MACC1: variants seen among roughly 807,000 people sequenced by gnomAD.
MACC1 encodes metastasis-associated in colon cancer protein 1.
In MACC1, 79 loss-of-function variants were observed where a neutral mutation model predicts 70.7. The observed-to-expected ratio is 1.12, with a 90% confidence interval of 0.93 to 1.35. The LOEUF (loss-of-function observed/expected upper bound fraction) is 1.35. Among genes scored for constraint, MACC1 ranks in the 40% most tolerant of loss-of-function variants. MACC1 has a pLI of 0.00. For missense variants in MACC1, 1,106 were observed against 978.1 expected (o/e 1.13, Z -1.74); for synonymous variants, 361 against 347.2 (o/e 1.04, Z -0.44).
rs1020306250 is a variant in MACC1, at chr7:20,140,511, A to G, written c.*435T>C. On this transcript the variant is annotated 3_prime_UTR_variant, in exon 7 of 7. Transcript: ENST00000400331. ...GCCTCCTGGGAACACTGCCTTGATC[A>G]TGTTGATAGTCTCTAGTTTACCCAG... 5 of 153,066 alleles carry G rather than the reference A, an allele frequency of 3.3e-5. No homozygotes were observed. Among genetic ancestry groups the G allele is most frequent in the African/African-American group, 9.6e-5 (4 of 41,468 alleles). The allele number at this position is 153,066 out of a possible 1,614,324, so 9.5% of individuals were successfully genotyped here.
At chr7:20,148,973 G>A (rs1781935324) in intron 6 of MACC1, among the ~76,000 whole-genome samples, 1 of 152,140 alleles carries the variant, frequency 6.6e-6, no homozygotes, top group African/African-American at 2.4e-5. Context: ...ACCAAGGCTA[G>A]AACTGAACCA....
intron 1 of MACC1, among the ~76,000 whole-genome samples, chr7:20,186,783 G>C (rs918537195): frequency 3.9e-5 from 6 of 152,204 alleles, no homozygotes; most frequent in African/African-American, 1.4e-4. Context: ...AAACAAATTA[G>C]TATAAATAAC....
chr7:20,200,738 G>A (rs1782821728), intron 1 of MACC1, among the ~76,000 whole-genome samples: 1 of 152,100 alleles, frequency 6.6e-6, no homozygotes, highest in African/African-American at 2.4e-5. Context: ...TAGAAACATG[G>A]GTGCTATCTA....
At chr7:20,161,646 T>G (rs1385939507) in intron 4 of MACC1, 102 bp downstream of exon 4, 1 of 702,792 alleles carries the variant, frequency 1.4e-6, no homozygotes, top group East Asian at 2.6e-5. Context: ...TTTATAATTC[T>G]TTTCATCTTC....
intron 6 of MACC1, among the ~76,000 whole-genome samples, chr7:20,147,091 T>A (rs1425804626): frequency 2.0e-5 from 3 of 152,154 alleles, no homozygotes. Flanking sequence ...ATCTTTTCAG[T>A]GTTATAGGAC....
chr7:20,180,643 G>A (rs1320784125), intron 1 of MACC1, among the ~76,000 whole-genome samples: 1 of 152,060 alleles, frequency 6.6e-6, no homozygotes, highest in Non-Finnish European at 1.5e-5. Flanking sequence ...TCAGGAGTTT[G>A]AGACCAGCCA....
intron 1 of MACC1, among the ~76,000 whole-genome samples, chr7:20,214,276 C>G (rs892079100): frequency 2.0e-5 from 3 of 152,156 alleles, no homozygotes; most frequent in African/African-American, 7.2e-5. Flanking sequence ...CATCCAAAAT[C>G]CCCTAGAATA....
intron 2 of MACC1, among the ~76,000 whole-genome samples, chr7:20,167,180 A>AT (rs540436327): frequency 6.1e-5 from 9 of 148,722 alleles, no homozygotes; most frequent in South Asian, 2.1e-4. Flanking sequence ...CATCATCCTT[A>AT]TTTTTTTTTT....
rs1271636253 is a variant in MACC1 at position 20,137,931 on chromosome 7, T to G, written c.*3015A>C. On this transcript the variant is annotated 3_prime_UTR_variant, in exon 7 of 7. Coordinates refer to ENST00000400331, the MANE Select transcript of MACC1 (RefSeq NM_182762.4). ...ACTCTGGGAGGCCGAGGCAGGTGGA[T>G]GACCTGAGGTCAGGAGTTCCAGACC... The G allele has an allele frequency of 6.6e-6, 1 of 152,196 alleles. No individual in the cohort carries two copies. Among genetic ancestry groups the G allele is most frequent in the Non-Finnish European group, 1.5e-5 (1 of 68,058 alleles). The allele number at this position is 152,196 out of a possible 1,614,324, so 9.4% of individuals were successfully genotyped here.
chr7:20,183,947 A>T (rs1782548917), intron 1 of MACC1, among the ~76,000 whole-genome samples: 1 of 152,054 alleles, frequency 6.6e-6, no homozygotes, highest in South Asian at 2.1e-4. Context: ...AACGCAGGTG[A>T]TTCATCCACC....
chr7:20,181,485 T>C (rs767132751), intron 1 of MACC1, among the ~76,000 whole-genome samples: 1 of 152,118 alleles, frequency 6.6e-6, no homozygotes, highest in Non-Finnish European at 1.5e-5. Context: ...GCTTAAGCAT[T>C]TGATAATATA....
chr7:20,154,521 A>G, intron 5 of MACC1, 140 bp from the exon 6 acceptor site: 1 of 865,256 alleles, frequency 1.2e-6, no homozygotes, highest in Non-Finnish European at 1.7e-6. Context: ...CTAAAGCTCA[A>G]GGAGTTGATT....
chr7:20,174,307 T>C (rs1473236574), intron 1 of MACC1, among the ~76,000 whole-genome samples: 2 of 152,108 alleles, frequency 1.3e-5, no homozygotes, highest in Non-Finnish European at 1.5e-5. Flanking sequence ...ACTTAAATAT[T>C]TCAGGGGAAG....
In MACC1 at chr7:20,187,261, T is replaced by C. The variant is rs557633641; in HGVS notation, c.-217-16483A>G. 1.4e-4 allele frequency among the ~76,000 whole-genome samples: 21 copies of C among 152,282 alleles called. No homozygotes were observed. In the South Asian group the frequency reaches 2.1e-3, roughly 15 times the overall value. The stretch of plus-strand genomic sequence containing the variant: ...CATAGAGAGGACAATAGTAATAAAA[T>C]TGTAACTAGTTTTTAATTAAAGAGG... On this transcript the variant is annotated intron_variant, in intron 1 of 6. Transcript: ENST00000400331.
At chr7:20,202,490 G>A (rs1222880460) in intron 1 of MACC1, among the ~76,000 whole-genome samples, 5 of 152,048 alleles carry the variant, frequency 3.3e-5, no homozygotes, top group African/African-American at 4.8e-5. Context: ...ATGGGACCCG[G>A]AACCAAAAAA....
At position 20,140,997 on chromosome 7, in the gene MACC1, A is replaced by C. The variant is rs377055680; in HGVS notation, c.2508T>G (p.Asn836Lys). 6.2e-6 allele frequency: 10 copies of C among 1,613,922 alleles called. No individual in the cohort carries two copies. The African/African-American group carries it at 8.0e-5, about 13-fold the overall frequency. The change falls in exon 7 of 7, where the codon AAT (asparagine) becomes AAG (lysine). Residue 836 changes from asparagine to lysine, a missense_variant. Asn to Lys is a moderately conservative substitution (Grantham distance 94). Transcript: ENST00000400331. ...RELTGVLILV[N>K]SLEVLRVTAF... ...CAGTTACTCTCAAAACCTCCAAAGAATTTACTAGTATTAAAACTCCAGTTA... is the reference window on the plus strand; with the variant it reads ...CAGTTACTCTCAAAACCTCCAAAGACTTTACTAGTATTAAAACTCCAGTTA...
chr7:20,161,704 A>G (rs1442632117), intron 4 of MACC1, 44 bp downstream of exon 4: 3 of 1,181,362 alleles, frequency 2.5e-6, no homozygotes, highest in Admixed American at 3.5e-5. Flanking sequence ...GATGAATTTC[A>G]TATACTTACA....
At chr7:20,185,442 G>A (rs3114472) in intron 1 of MACC1, among the ~76,000 whole-genome samples, 50,978 of 151,644 alleles carry the variant, frequency 0.34, 10,022 homozygotes, top group East Asian at 0.86. Context: ...TGGGTTGGAC[G>A]CCCAAGCTAA....
intron 1 of MACC1, chr7:20,184,955 C>A (rs897460365): frequency 2.6e-5 from 4 of 152,012 alleles, no homozygotes; most frequent in Non-Finnish European, 5.9e-5. Flanking sequence ...TATACTAAGT[C>A]TTAGAGACGA....
Sources: gnomAD v4.1 joint callset for allele counts (sites outside exome capture counted in the v4.1 genomes callset) on GRCh38, gnomAD v4.1.1 for gene constraint, MANE v1.5 for transcripts, NCBI Gene and HGNC (gene_info 2026-07-23, HGNC 2026-07-21) for gene names.